The following ESYT2 variants were observed in gnomAD, a reference collection of about 807,000 sequenced individuals.
ESYT2 encodes extended synaptotagmin 2.
A neutral mutation model predicts 107.2 loss-of-function variants in ESYT2; 54 were observed. The ratio of observed to expected loss-of-function variants is 0.50; its 90% CI spans 0.40 to 0.63. The LOEUF (loss-of-function observed/expected upper bound fraction) is 0.63, where lower values mean the gene tolerates loss of function less well. Among genes scored for constraint, ESYT2 ranks in the 30% least tolerant of loss-of-function variants. The pLI is 0.00. For synonymous variants in ESYT2, 491 were observed against 434.1 expected, an observed-to-expected ratio of 1.13 and a Z score of -1.63; for missense variants, 1,020 against 1,094.5, an observed-to-expected ratio of 0.93 and a Z score of 0.96.
chr7:158,752,882 TA>T, intron 13 of ESYT2, 39 bp from the exon 14 acceptor site: 1 of 1,229,316 alleles, frequency 8.1e-7, no homozygotes, highest in Non-Finnish European at 1.1e-6. Flanking sequence ...CAAGGGTTAA[TA>T]AAACATGCAA....
At chr7:158,823,686 T>G (rs1450356380) in intron 1 of ESYT2, among the ~76,000 whole-genome samples, 1 of 152,072 alleles carries the variant, frequency 6.6e-6, no homozygotes, top group Non-Finnish European at 1.5e-5. Context: ...GTCAATGCAC[T>G]CATTTAAAGT....
intron 18 of ESYT2, among the ~76,000 whole-genome samples, chr7:158,739,609 A>C (rs1837118458): frequency 1.3e-5 from 2 of 152,178 alleles, no homozygotes; most frequent in Non-Finnish European, 1.5e-5. Context: ...CGGCCTCCCA[A>C]AGTGCTGGGA....
intron 1 of ESYT2, among the ~76,000 whole-genome samples, chr7:158,819,451 T>A (rs958360533): frequency 6.6e-6 from 1 of 152,250 alleles, no homozygotes; most frequent in African/African-American, 2.4e-5. Flanking sequence ...ATCATTTAAA[T>A]AAAGTCTGGT....
At chr7:158,780,495 C>T (rs1838735666) in intron 6 of ESYT2, among the ~76,000 whole-genome samples, 1 of 152,204 alleles carries the variant, frequency 6.6e-6, no homozygotes, top group Admixed American at 6.5e-5. Context: ...GAGACTATTT[C>T]TGACCAATTG....
chr7:158,815,054 C>T (rs1563039206), intron 1 of ESYT2, among the ~76,000 whole-genome samples: 1 of 152,140 alleles, frequency 6.6e-6, no homozygotes, highest in South Asian at 2.1e-4. Flanking sequence ...ACAAAGGTGG[C>T]GGGTTAGCTG....
chr7:158,757,172 C>T (rs531081600), intron 13 of ESYT2, among the ~76,000 whole-genome samples: 400 of 152,114 alleles, frequency 2.6e-3, no homozygotes, highest in African/African-American at 8.8e-3. Flanking sequence ...TGTTACATTT[C>T]ACAAAACAAG....
intron 6 of ESYT2, among the ~76,000 whole-genome samples, chr7:158,783,396 C>T (rs1838995738): frequency 6.6e-6 from 1 of 152,190 alleles, no homozygotes; most frequent in Admixed American, 6.5e-5. Flanking sequence ...CTCCACAGTT[C>T]AGAACAAGAA....
In ESYT2 at chr7:158,829,462, G is replaced by C; in HGVS notation, c.-44C>G. 8.3e-6 allele frequency: 10 copies of C among 1,205,906 alleles called. No individual in the cohort carries two copies. The highest frequency in any genetic ancestry group is 1.0e-5 in the Non-Finnish European group (10 of 972,624). 74.7% of individuals were successfully genotyped at this position (1,205,906 alleles called of 1,614,324 possible). The stretch of plus-strand genomic sequence containing the variant: ...TGCCCTCCCGGCCGAGGCGGGCTGG[G>C]TGCTCGCGCTGATCCCGGGCGGCTC... On this transcript the variant is annotated 5_prime_UTR_variant, in exon 1 of 23. Coordinates refer to ENST00000275418, the MANE Select transcript of ESYT2 (RefSeq NM_001367773.1).
intron 4 of ESYT2, among the ~76,000 whole-genome samples, chr7:158,791,591 GTTTCT>G (rs1839295594): frequency 6.6e-6 from 1 of 152,150 alleles, no homozygotes; most frequent in Non-Finnish European, 1.5e-5. Flanking sequence ...TATTTTCTGG[GTTTCT>G]TTTGACAGTA....
At chr7:158,817,425 C>A (rs1224782054) in intron 1 of ESYT2, among the ~76,000 whole-genome samples, 1 of 152,222 alleles carries the variant, frequency 6.6e-6, no homozygotes, top group African/African-American at 2.4e-5. Context: ...TCAGAAAAAT[C>A]TTTGAGTCCA....
chr7:158,759,493 T>G lies in ESYT2; in HGVS notation c.1412A>C (p.Asn471Thr), dbSNP rs759143495. ...LLILYLDSAR[N>T]LPSNPLEFNP... ...TACCACTGTGTTACCTACCGGAAGG[T>G]TCCTTGCTGAATCCAAGTACAAGAT... Residue 471 changes from asparagine (N) to threonine (T), a missense_variant, in exon 13 of 23, where the codon AAC becomes ACC. Physicochemically the swap from Asn to Thr is moderately conservative, Grantham distance 65. Coordinates refer to ENST00000275418, the MANE Select transcript of ESYT2 (RefSeq NM_001367773.1). 1.2e-6 allele frequency: 2 copies of G among 1,610,112 alleles called. No individual in the cohort carries two copies. The highest frequency in any genetic ancestry group is 3.3e-5 in the Admixed American group (2 of 59,776).
chr7:158,786,650 T>G (rs987977240), intron 6 of ESYT2, among the ~76,000 whole-genome samples: 7 of 152,228 alleles, frequency 4.6e-5, no homozygotes, highest in African/African-American at 1.7e-4. Context: ...TTCTTTTGTT[T>G]TTATACAGAA....
intron 1 of ESYT2, among the ~76,000 whole-genome samples, chr7:158,810,193 G>C (rs1388153476): frequency 6.6e-6 from 1 of 152,144 alleles, no homozygotes; most frequent in Non-Finnish European, 1.5e-5. Flanking sequence ...CAACAGAAAG[G>C]AAAACACACA....
In ESYT2 at chr7:158,737,184, C is replaced by T. The variant is rs894773771; in HGVS notation, c.2268-5G>A. On this transcript the variant is annotated splice_polypyrimidine_tract_variant and splice_region_variant and intron_variant, in intron 19 of 22. Transcript: ENST00000275418. ...TCAGAGAAGGCAATGAGGTTTCTTA[C>T]AACACAAACCAGATAAGACGAGGTA... The T allele has an allele frequency of 1.2e-6, 2 of 1,613,198 alleles. No homozygotes were observed. The highest frequency in any genetic ancestry group is 1.7e-6 in the Non-Finnish European group (2 of 1,179,362).
intron 13 of ESYT2, among the ~76,000 whole-genome samples, chr7:158,756,912 A>G (rs1563629828): frequency 7.0e-6 from 1 of 143,824 alleles, no homozygotes; most frequent in African/African-American, 2.8e-5. Context: ...TCCATCTCAA[A>G]TTAAAAAAAA....
At chr7:158,817,282 A>G (rs949529568) in intron 1 of ESYT2, among the ~76,000 whole-genome samples, 1 of 152,198 alleles carries the variant, frequency 6.6e-6, no homozygotes, top group Non-Finnish European at 1.5e-5. Flanking sequence ...GGAAACATTA[A>G]CCATCTATTC....
chr7:158,827,106 T>A (rs1342767399), intron 1 of ESYT2, among the ~76,000 whole-genome samples: 1 of 145,544 alleles, frequency 6.9e-6, no homozygotes. Context: ...GAGGTTGTAG[T>A]GAGCCGAGAT....
At chr7:158,745,752 G>C (rs1837381556) in intron 16 of ESYT2, among the ~76,000 whole-genome samples, 1 of 151,880 alleles carries the variant, frequency 6.6e-6, no homozygotes, top group Non-Finnish European at 1.5e-5. Context: ...CCATACACAG[G>C]TCAAAGGAAA....
intron 3 of ESYT2, among the ~76,000 whole-genome samples, chr7:158,796,589 A>G (rs1424508248): frequency 6.6e-6 from 1 of 152,224 alleles, no homozygotes; most frequent in Non-Finnish European, 1.5e-5. Context: ...TGCTGACAGA[A>G]GAACGTGGAG....
Sources: allele counts gnomAD v4.1 joint callset (sites outside exome capture counted in the v4.1 genomes callset), GRCh38; gene constraint gnomAD v4.1.1; transcripts MANE v1.5; gene names NCBI Gene and HGNC (gene_info 2026-07-23, HGNC 2026-07-21).